The following CPSF2 variants were observed in gnomAD, a reference collection of about 807,000 sequenced individuals.
CPSF2 encodes cleavage and polyadenylation specificity factor subunit 2.
In CPSF2, 51 loss-of-function variants were observed where a neutral mutation model predicts 84.2. The observed-to-expected ratio is 0.61, with a 90% CI of 0.48 to 0.77. The LOEUF (loss-of-function observed/expected upper bound fraction) is 0.77, where lower values mean the gene tolerates loss of function less well. Ranked by LOEUF, CPSF2 falls within the 30% of genes least tolerant of loss-of-function variation. The pLI, the probability that CPSF2 is intolerant of heterozygous loss-of-function variation, is 0.00. For missense variants in CPSF2, 641 were observed against 929.4 expected, an observed-to-expected ratio of 0.69 and a Z score of 4.03; for synonymous variants, 286 against 311.9, an observed-to-expected ratio of 0.92 and a Z score of 0.87.
At chr14:92,137,534 C>T (rs993783755) in intron 6 of CPSF2, among the ~76,000 whole-genome samples, 3 of 152,118 alleles carry the variant, frequency 2.0e-5, no homozygotes, top group Admixed American at 6.6e-5. Context: ...TGGTGATTTT[C>T]TTCTGGGAAG....
intron 2 of CPSF2, among the ~76,000 whole-genome samples, chr14:92,128,122 C>T (rs948513231): frequency 2.6e-5 from 4 of 152,130 alleles, no homozygotes; most frequent in African/African-American, 9.7e-5. Flanking sequence ...GTAATCCCAG[C>T]TACTCGGGAG....
chr14:92,132,589 T>C (rs1330298817), intron 3 of CPSF2, among the ~76,000 whole-genome samples: 2 of 150,400 alleles, frequency 1.3e-5, no homozygotes, highest in Non-Finnish European at 3.0e-5. Flanking sequence ...CTGACCAAGA[T>C]GGTGAAACCC....
intron 1 of CPSF2, among the ~76,000 whole-genome samples, chr14:92,124,026 G>A (rs989193750): frequency 3.3e-5 from 5 of 152,196 alleles, no homozygotes; most frequent in African/African-American, 1.2e-4. Flanking sequence ...AAAGGAATTT[G>A]CTGAGCTCAA....
intron 7 of CPSF2, 89 bp downstream of exon 7, chr14:92,138,436 C>CT (rs796826689): frequency 0.061 from 29,620 of 486,182 alleles, 6 homozygotes; most frequent in East Asian, 0.082. Flanking sequence ...GTACAGGTTT[C>CT]TTTTTTTTTT....
intron 11 of CPSF2, 81 bp downstream of exon 11, chr14:92,155,404 C>T (rs997311901): frequency 8.5e-7 from 1 of 1,169,728 alleles, no homozygotes; most frequent in African/African-American, 1.5e-5. Flanking sequence ...TGAATTTGAT[C>T]TTTCACTTGA....
At position 92,170,529 on chromosome 14, in the gene CPSF2, T is replaced by C. The variant is rs1313512467; in HGVS notation, c.*8785T>C. 1 of 152,236 alleles carries C rather than the reference T, an allele frequency of 6.6e-6. No homozygotes were observed. The highest frequency in any genetic ancestry group is 1.5e-5 in the Non-Finnish European group (1 of 68,032). The allele number at this position is 152,236 out of a possible 1,614,324, so 9.4% of individuals were successfully genotyped here. A position where few individuals can be genotyped will look rare whatever the true frequency, so the allele number is the denominator to read the frequency against. On this transcript the variant is annotated 3_prime_UTR_variant, in exon 16 of 16. Transcript: ENST00000298875. ...TTGCCATTTACTCCAAAAATATCCT[T>C]ACAATAACCCTTTCCTTTTTTGGTC... is the stretch of plus-strand genomic sequence containing the variant.
chr14:92,131,233 G>C, intron 3 of CPSF2, 100 bp downstream of exon 3: 1 of 901,820 alleles, frequency 1.1e-6, no homozygotes, highest in Non-Finnish European at 1.6e-6. Flanking sequence ...TTTTACACTA[G>C]TTTATAGCAA....
rs1209929607 is a variant in CPSF2 at position 92,157,486 on chromosome 14, A to T, written c.1596-173A>T. ...CATGCTACTGCACTCTAGCCTGGGC[A>T]AAAGAGCGAGACCCAATCTCAGAAA... is the stretch of plus-strand genomic sequence containing the variant. On this transcript the variant is annotated intron_variant, in intron 12 of 15. Transcript: ENST00000298875. This position sits in a 1 kb window ranked among gnomAD's most constrained non-coding sequence, Gnocchi z 4.0. Among the ~76,000 whole-genome samples, 2 of 152,198 alleles carry T rather than the reference A, an allele frequency of 1.3e-5. No individual in the cohort carries two copies. The highest frequency in any genetic ancestry group is 2.4e-5 in the African/African-American group (1 of 41,440).
chr14:92,167,018 T>TTTC lies in CPSF2; in HGVS notation c.*5276_*5277insCTT, dbSNP rs1479125088. On this transcript the variant is annotated 3_prime_UTR_variant, in exon 16 of 16. Coordinates refer to ENST00000298875, the MANE Select transcript of CPSF2 (RefSeq NM_017437.3). ...GCTTATCGATTTCTTTTTTTTCTTT[T>TTTC]TTTTTTTTTTTGAGATAGCATCTTG... is the stretch of plus-strand genomic sequence containing the variant. 5 of 149,806 alleles carry TTTC rather than the reference T, an allele frequency of 3.3e-5. No individual in the cohort carries two copies. The highest frequency in any genetic ancestry group is 1.2e-4 in the African/African-American group (5 of 40,744). The allele number at this position is 149,806 out of a possible 1,614,324, so 9.3% of individuals were successfully genotyped here.
intron 1 of CPSF2, among the ~76,000 whole-genome samples, chr14:92,124,230 T>C (rs1356793377): frequency 6.6e-6 from 1 of 152,206 alleles, no homozygotes. Flanking sequence ...TTTCAGTAGT[T>C]ACCAGGAATC....
In CPSF2 at chr14:92,165,879, T is replaced by TTTTTTTTTTTTTTTTA. The variant is rs2069440104; in HGVS notation, c.*4135_*4136insTTTTTTTTTTTTTTTA. On this transcript the variant is annotated 3_prime_UTR_variant, in exon 16 of 16. Transcript: ENST00000298875. ...CTTTTTTTTTTTTTTTTTTTTTTTTTGAGATGGAGTCTTGCTTTGTCACCC... is the reference window on the plus strand; with the variant it reads ...CTTTTTTTTTTTTTTTTTTTTTTTTTTTTTTTTTTTTTTTTAGAGATGGAGTCTTGCTTTGTCACCC... 7.2e-6 allele frequency: 1 copy of TTTTTTTTTTTTTTTTA among 139,716 alleles called. No individual in the cohort carries two copies. Among genetic ancestry groups the TTTTTTTTTTTTTTTTA allele is most frequent in the Admixed American group, 7.3e-5 (1 of 13,636 alleles). 8.7% of individuals were successfully genotyped at this position (139,716 alleles called of 1,614,324 possible). A position where few individuals can be genotyped will look rare whatever the true frequency, so the allele number is the denominator to read the frequency against.
rs968461657 is a variant in CPSF2 at position 92,163,463 on chromosome 14, T to C, written c.*1719T>C. 1 of 152,652 alleles carries C rather than the reference T, an allele frequency of 6.6e-6. No individual in the cohort carries two copies. The highest frequency in any genetic ancestry group is 2.4e-5 in the African/African-American group (1 of 41,448). The allele number at this position is 152,652 out of a possible 1,614,324, so 9.5% of individuals were successfully genotyped here. A position where few individuals can be genotyped will look rare whatever the true frequency, so the allele number is the denominator to read the frequency against. ...CTTAAACTCTTATTACTGTATAGAT[T>C]AAGCCCTATAATGCTATTTATATTC... On this transcript the variant is annotated 3_prime_UTR_variant, in exon 16 of 16. Transcript: ENST00000298875.
Position 92,154,400 on chromosome 14 carries a change from T to C in CPSF2, c.1183T>C (p.Tyr395His). 6.2e-7 allele frequency: 1 copy of C among 1,610,370 alleles called. No homozygotes were observed. The highest frequency in any genetic ancestry group is 8.5e-7 in the Non-Finnish European group (1 of 1,178,998). The change falls in exon 10 of 16, where the codon TAC (tyrosine) becomes CAC (histidine). Residue 395 changes from tyrosine (Y) to histidine (H), a missense_variant. By Grantham distance (83) the Tyr-to-His change is moderately conservative. Transcript: ENST00000298875. ...VKLEGKELEE[Y>H]LEKEKLKKEA... ...GCTTGAAGGGAAAGAACTTGAAGAA[T>C]ACTTGGAAAAAGAGAAACTAAAGAA...
intron 3 of CPSF2, among the ~76,000 whole-genome samples, chr14:92,133,474 G>A (rs999566966): frequency 2.6e-5 from 4 of 152,002 alleles, no homozygotes; most frequent in Non-Finnish European, 5.9e-5. Flanking sequence ...TTTTGTTCTT[G>A]TTTTTATTTT....
At chr14:92,155,885 C>T (rs921678587) in intron 11 of CPSF2, among the ~76,000 whole-genome samples, 3 of 152,014 alleles carry the variant, frequency 2.0e-5, no homozygotes, top group Non-Finnish European at 2.9e-5. Context: ...TGAGTGAAAT[C>T]ATGGAAAAAT....
rs921293310 is a variant in CPSF2, at chr14:92,165,918, G to A, written c.*4174G>A. 4.0e-5 allele frequency: 5 copies of A among 124,870 alleles called. No homozygotes were observed. The South Asian group carries it at 1.4e-3, about 35-fold the overall frequency. 7.7% of individuals were successfully genotyped at this position (124,870 alleles called of 1,614,324 possible). A position where few individuals can be genotyped will look rare whatever the true frequency, so the allele number is the denominator to read the frequency against. ...GCTTTGTCACCCAGGCTGGAGTGCA[G>A]TGGCGCGGTCTCAGCTCACTGCAAC... is the stretch of plus-strand genomic sequence containing the variant. On this transcript the variant is annotated 3_prime_UTR_variant, in exon 16 of 16. Transcript: ENST00000298875.
At chr14:92,152,510 C>G (rs1217805793) in intron 9 of CPSF2, among the ~76,000 whole-genome samples, 1 of 151,958 alleles carries the variant, frequency 6.6e-6, no homozygotes, top group Non-Finnish European at 1.5e-5. Flanking sequence ...GCGATTATGG[C>G]TCACTGCAGT....
chr14:92,164,847 G>C lies in CPSF2; in HGVS notation c.*3103G>C, dbSNP rs556687425. On this transcript the variant is annotated 3_prime_UTR_variant, in exon 16 of 16. Transcript: ENST00000298875. ...TCATTGGTGTTAGTATATTTACAGA[G>C]TTGTACAACTATTACCACTATATAA... 5.3e-5 allele frequency: 8 copies of C among 152,190 alleles called. No homozygotes were observed. In the East Asian group the frequency reaches 1.4e-3, roughly 26 times the overall value. 9.4% of individuals were successfully genotyped at this position (152,190 alleles called of 1,614,324 possible). A position where few individuals can be genotyped will look rare whatever the true frequency, so the allele number is the denominator to read the frequency against.
chr14:92,157,494 G>A lies in CPSF2; in HGVS notation c.1596-165G>A, dbSNP rs904444564. On this transcript the variant is annotated intron_variant, in intron 12 of 15. Coordinates refer to ENST00000298875, the MANE Select transcript of CPSF2 (RefSeq NM_017437.3). This position sits in a 1 kb window ranked among gnomAD's most constrained non-coding sequence, Gnocchi z 4.0. ...TGCACTCTAGCCTGGGCAAAAGAGC[G>A]AGACCCAATCTCAGAAAAATAAAAA... is the stretch of plus-strand genomic sequence containing the variant. Among the ~76,000 whole-genome samples, 7 of 152,034 alleles carry A rather than the reference G, an allele frequency of 4.6e-5. No individual in the cohort carries two copies. The highest frequency in any genetic ancestry group is 7.4e-5 in the Non-Finnish European group (5 of 68,016).
Sources: allele counts gnomAD v4.1 joint callset (sites outside exome capture counted in the v4.1 genomes callset), GRCh38; gene constraint gnomAD v4.1.1; non-coding constraint Gnocchi (gnomAD v3.1); transcripts MANE v1.5; gene names NCBI Gene and HGNC (gene_info 2026-07-23, HGNC 2026-07-21).